SCARB1: variants seen among roughly 807,000 people sequenced by gnomAD.
The protein encoded by SCARB1 is scavenger receptor class B member 1, also known as CD36 and LIMPII analogous 1.
SCARB1 carries 30 observed loss-of-function variants against 57.2 expected under a neutral mutation model. That is an observed-to-expected ratio of 0.52 (90% CI 0.39 to 0.71). The LOEUF is 0.71. SCARB1 is among the 30% of genes least tolerant of loss of function. The probability of loss-of-function intolerance (pLI) is 0.00; values close to 1 mark genes in which losing one functional copy is unlikely to be tolerated. For synonymous variants in SCARB1, 249 were observed against 268.3 expected, an observed-to-expected ratio of 0.93 and a Z score of 0.70; for missense variants, 543 against 671.2, an observed-to-expected ratio of 0.81 and a Z score of 2.11.
intron 9 of SCARB1, among the ~76,000 whole-genome samples, chr12:124,792,796 A>G (rs2135567461): frequency 6.6e-6 from 1 of 152,198 alleles, no homozygotes; most frequent in Middle Eastern, 3.4e-3. Context: ...CTCCTGTTAA[A>G]ATTCAGATTT....
intron 6 of SCARB1, 143 bp from the exon 7 acceptor site, chr12:124,808,070 C>A: frequency 2.6e-6 from 2 of 778,874 alleles, no homozygotes; most frequent in East Asian, 2.7e-5. Flanking sequence ...CTCTCACCCG[C>A]GGAGCTGCAG....
intron 9 of SCARB1, among the ~76,000 whole-genome samples, 185 bp downstream of exon 9, chr12:124,795,010 C>T (rs529174643): frequency 6.6e-6 from 1 of 152,260 alleles, no homozygotes. Flanking sequence ...AGGTCAGGAC[C>T]TGGCTCAAAA....
chr12:124,783,282 G>A (rs999010379), intron 11 of SCARB1: 5 of 180,342 alleles, frequency 2.8e-5, no homozygotes, highest in African/African-American at 4.8e-5. Context: ...GCAATGGTGC[G>A]ATCATGGCTC....
intron 1 of SCARB1, among the ~76,000 whole-genome samples, chr12:124,836,685 G>A (rs1951661404): frequency 1.3e-5 from 2 of 152,048 alleles, no homozygotes; most frequent in African/African-American, 2.4e-5. Context: ...ACCCAGGTAC[G>A]TGGAAGGCTG....
chr12:124,821,236 T>TCA (rs60380028), intron 1 of SCARB1: 59,745 of 192,298 alleles, frequency 0.31, 8,809 homozygotes, highest in Admixed American at 0.36. Context: ...AGACTCCATC[T>TCA]CACACACACA....
At chr12:124,798,776 G>A (rs562289438) in intron 8 of SCARB1, among the ~76,000 whole-genome samples, 55 of 150,788 alleles carry the variant, frequency 3.6e-4, no homozygotes, top group Non-Finnish European at 5.2e-4. Flanking sequence ...CCCGGGAGGC[G>A]GAGGTTGCAG....
intron 9 of SCARB1, among the ~76,000 whole-genome samples, chr12:124,788,401 G>A (rs1356255270): frequency 6.6e-6 from 1 of 152,204 alleles, no homozygotes; most frequent in African/African-American, 2.4e-5. Context: ...CCAAGTTCTG[G>A]TTAATGAGAT....
intron 1 of SCARB1, among the ~76,000 whole-genome samples, chr12:124,846,728 TC>T (rs1952168611): frequency 4.3e-5 from 2 of 46,634 alleles, no homozygotes; most frequent in Non-Finnish European, 6.6e-5. Context: ...AGACTCCATC[TC>T]AAAAAAAAAA....
At chr12:124,790,099 G>C (rs929765341) in intron 9 of SCARB1, among the ~76,000 whole-genome samples, 1 of 151,926 alleles carries the variant, frequency 6.6e-6, no homozygotes, top group Non-Finnish European at 1.5e-5. Flanking sequence ...GAGAGGCCAA[G>C]TGCAGTGGTT....
Position 124,863,819 on chromosome 12 carries a change from G to A in SCARB1, c.-99C>T. On this transcript the variant is annotated 5_prime_UTR_variant, in exon 1 of 13. Coordinates refer to ENST00000261693, the MANE Select transcript of SCARB1 (RefSeq NM_005505.5). ...CGACACAGGCGGGGACTCCGGGCAC[G>A]CAGGCCGCAGAGGCACGGTGGATCC... 3.8e-6 allele frequency: 5 copies of A among 1,331,940 alleles called. No individual in the cohort carries two copies. Among genetic ancestry groups the A allele is most frequent in the East Asian group, 3.1e-5 (1 of 32,564 alleles). The allele number at this position is 1,331,940 out of a possible 1,614,324, so 82.5% of individuals were successfully genotyped here.
chr12:124,784,531 C>T (rs1949441933), intron 11 of SCARB1: 1 of 152,292 alleles, frequency 6.6e-6, no homozygotes, highest in Non-Finnish European at 1.5e-5. Context: ...ACCAGGAATG[C>T]TTTATTGTCA....
chr12:124,793,432 G>A lies in SCARB1; in HGVS notation c.1202+1763C>T, dbSNP rs570700407. 4.6e-5 allele frequency among the ~76,000 whole-genome samples: 7 copies of A among 151,144 alleles called. 1 individual carries two copies. Among genetic ancestry groups the A allele is most frequent in the African/African-American group, 1.7e-4 (7 of 41,090 alleles). On this transcript the variant is annotated intron_variant, in intron 9 of 12. Transcript: ENST00000261693. ...GGATGGGGCCGGGCGCGGTGCTCAC[G>A]CCTGTAATCCCAGCACTTTGGGAGC...
chr12:124,807,796 T>G lies in SCARB1; in HGVS notation c.974A>C (p.Glu325Ala). ...GGTGCTGACGTTCTGAATTCCAGAC[T>G]CCAGGCACGGGCAGAAGCCTTCGTT... is the stretch of plus-strand genomic sequence containing the variant. ...PPNEGFCPCLESGIQNVSTCR... is the reference protein window; with the variant it reads ...PPNEGFCPCLASGIQNVSTCR... The change falls in exon 7 of 13, where the codon GAG (glutamate) becomes GCG (alanine). Residue 325 changes from glutamate (E) to alanine (A), a missense_variant. Glu to Ala is a moderately radical substitution (Grantham distance 107, BLOSUM62 -1). Coordinates refer to ENST00000261693, the MANE Select transcript of SCARB1 (RefSeq NM_005505.5). The surrounding 1 kb of genome is among the most constrained non-coding windows in gnomAD (Gnocchi z 5.3). 6.2e-7 allele frequency: 1 copy of G among 1,614,006 alleles called. No homozygotes were observed. Among genetic ancestry groups the G allele is most frequent in the Non-Finnish European group, 8.5e-7 (1 of 1,179,978 alleles).
chr12:124,847,123 G>C (rs1041160779), intron 1 of SCARB1, among the ~76,000 whole-genome samples: 1 of 152,232 alleles, frequency 6.6e-6, no homozygotes, highest in Non-Finnish European at 1.5e-5. Context: ...TTACATATTT[G>C]ATTGCATATG....
At chr12:124,852,026 C>G (rs962083374) in intron 1 of SCARB1, among the ~76,000 whole-genome samples, 4 of 152,132 alleles carry the variant, frequency 2.6e-5, no homozygotes, top group African/African-American at 9.7e-5. Context: ...TCCAAGACAC[C>G]TGATGGGACC....
At chr12:124,808,071 G>A (rs1024440237) in intron 6 of SCARB1, 144 bp from the exon 7 acceptor site, 10 of 768,592 alleles carry the variant, frequency 1.3e-5, no homozygotes, top group African/African-American at 6.9e-5. Context: ...TCTCACCCGC[G>A]GAGCTGCAGC....
chr12:124,795,149 A>G, intron 9 of SCARB1, 46 bp downstream of exon 9: 1 of 1,497,842 alleles, frequency 6.7e-7, no homozygotes, highest in Non-Finnish European at 9.3e-7. Context: ...CTGAGCACCT[A>G]ATCTCTCAAT....
At chr12:124,813,373 G>A (rs1950589890) in intron 4 of SCARB1, among the ~76,000 whole-genome samples, 1 of 152,172 alleles carries the variant, frequency 6.6e-6, no homozygotes, top group Admixed American at 6.5e-5. Context: ...GTTATCTTGA[G>A]GATGAAAACC....
intron 2 of SCARB1, among the ~76,000 whole-genome samples, chr12:124,815,887 C>T (rs1028899028): frequency 1.3e-5 from 2 of 152,044 alleles, no homozygotes; most frequent in Non-Finnish European, 2.9e-5. Context: ...GAAATCAGAT[C>T]GTGCCATGCT....
Sources: allele counts gnomAD v4.1 joint callset (sites outside exome capture counted in the v4.1 genomes callset), GRCh38; gene constraint gnomAD v4.1.1; non-coding constraint Gnocchi (gnomAD v3.1); transcripts MANE v1.5; gene names NCBI Gene and HGNC (gene_info 2026-07-23, HGNC 2026-07-21).